The following MVB12B variants were observed in gnomAD, a reference collection of about 807,000 sequenced individuals.
MVB12B encodes ESCRT-I complex subunit MVB12B.
In MVB12B, 16 loss-of-function variants were observed where a neutral mutation model predicts 41.6. That is an observed-to-expected ratio of 0.38 (90% CI 0.26 to 0.58). The LOEUF is 0.58. MVB12B is among the 20% of genes least tolerant of loss of function. MVB12B has a pLI of 0.62. For missense variants in MVB12B, 274 were observed against 380.2 expected (o/e 0.72, Z 2.32); for synonymous variants, 133 against 139.7 (o/e 0.95, Z 0.34).
chr9:126,482,927 A>G (rs1430146580), intron 8 of MVB12B, among the ~76,000 whole-genome samples: 4 of 152,096 alleles, frequency 2.6e-5, no homozygotes, highest in African/African-American at 7.2e-5. Flanking sequence ...GGACGAGGGA[A>G]TGAGGAAGGG....
At chr9:126,344,670 A>G (rs937442172) in intron 2 of MVB12B, among the ~76,000 whole-genome samples, 4 of 152,202 alleles carry the variant, frequency 2.6e-5, no homozygotes, top group African/African-American at 9.7e-5. Flanking sequence ...ATGGTGTCTT[A>G]GTCCTTTTGT....
At position 126,486,565 on chromosome 9, in the gene MVB12B, C is replaced by T. The variant is rs1430456642; in HGVS notation, c.873+2533C>T. 1.3e-5 allele frequency among the ~76,000 whole-genome samples: 2 copies of T among 152,216 alleles called. No homozygotes were observed. Among genetic ancestry groups the T allele is most frequent in the African/African-American group, 2.4e-5 (1 of 41,454 alleles). ...TATAGGTGGGACGTGCTGGCAGCAG[C>T]GGCCTCAGCGTCGAGCCATCTCCCC... On this transcript the variant is annotated intron_variant, in intron 9 of 9. Transcript: ENST00000361171. The surrounding 1 kb of genome is among the most constrained non-coding windows in gnomAD (Gnocchi z 4.7).
chr9:126,405,621 C>T (rs1831397299), intron 6 of MVB12B, among the ~76,000 whole-genome samples: 1 of 151,650 alleles, frequency 6.6e-6, no homozygotes, highest in Admixed American at 6.6e-5. Context: ...CTACCACCCC[C>T]TACCCCCCGC....
rs1306998132 is a variant in MVB12B, at chr9:126,395,264, A to G, written c.540-311A>G. Among the ~76,000 whole-genome samples, 1 of 152,230 alleles carries G rather than the reference A, an allele frequency of 6.6e-6. No homozygotes were observed. The highest frequency in any genetic ancestry group is 1.5e-5 in the Non-Finnish European group (1 of 68,038). ...TGTGGATTATCACGTCACACTCCAC[A>G]AGGAAATGGCAAAACAAAAAGAAGT... On this transcript the variant is annotated intron_variant, in intron 5 of 9. Coordinates refer to ENST00000361171, the MANE Select transcript of MVB12B (RefSeq NM_033446.3). This position sits in a 1 kb window ranked among gnomAD's most constrained non-coding sequence, Gnocchi z 4.9.
rs10819165 is a variant in MVB12B, at chr9:126,476,377, G to T, written c.758-4992G>T. On this transcript the variant is annotated intron_variant, in intron 7 of 9. Transcript: ENST00000361171. ...CTTCACCTCTGGAGGGCAGATGTGA[G>T]GAGGGCCTGCAGACAAACGGGAAGT... 4.6e-5 allele frequency among the ~76,000 whole-genome samples: 7 copies of T among 152,174 alleles called. No homozygotes were observed. The South Asian group carries it at 8.3e-4, about 18-fold the overall frequency.
chr9:126,336,754 G>GCACACACACACACACACA (rs113110128), intron 1 of MVB12B, among the ~76,000 whole-genome samples: 5 of 150,402 alleles, frequency 3.3e-5, no homozygotes, highest in East Asian at 4.0e-4. Context: ...GTGTGTGCAC[G>GCACACACACACACACACA]CACACACACA....
At position 126,378,630 on chromosome 9, in the gene MVB12B, GTCTC is replaced by G. The variant is rs147449615; in HGVS notation, c.205-2414_205-2411del. Among the ~76,000 whole-genome samples, 359 of 147,398 alleles carry G rather than the reference GTCTC, an allele frequency of 2.4e-3. 2 individuals are homozygous for G. The highest frequency in any genetic ancestry group is 6.9e-3 in the African/African-American group (276 of 40,210). ...CTCTCTTTCTCTCTCTCTCTTCTCT[GTCTC>G]TCTCTCTCTCTCTCTCTCTTTCTTT... On this transcript the variant is annotated intron_variant, in intron 2 of 9. Coordinates refer to ENST00000361171, the MANE Select transcript of MVB12B (RefSeq NM_033446.3).
intron 1 of MVB12B, among the ~76,000 whole-genome samples, chr9:126,336,430 C>A (rs926514736): frequency 6.6e-6 from 1 of 152,236 alleles, no homozygotes; most frequent in Middle Eastern, 3.2e-3. Flanking sequence ...TGTAGTAATT[C>A]TTTGATCAGC....
chr9:126,421,239 ATCTG>A (rs1832008374), intron 6 of MVB12B, among the ~76,000 whole-genome samples: 1 of 152,226 alleles, frequency 6.6e-6, no homozygotes, highest in Non-Finnish European at 1.5e-5. Context: ...ACTGTGCTGT[ATCTG>A]TCTGGAAGGT....
chr9:126,369,197 T>C (rs1403897444), intron 2 of MVB12B, among the ~76,000 whole-genome samples: 1 of 152,246 alleles, frequency 6.6e-6, no homozygotes, highest in Non-Finnish European at 1.5e-5. Flanking sequence ...AGGTATTTGT[T>C]GTTTGTCAGA....
chr9:126,378,075 A>G (rs2118951351), intron 2 of MVB12B, among the ~76,000 whole-genome samples: 1 of 152,306 alleles, frequency 6.6e-6, no homozygotes, highest in South Asian at 2.1e-4. Context: ...TCTGCCTCTG[A>G]ACTCCATGTT....
At chr9:126,497,701 CCTCCTAGTGAAGCACTTT>C (rs1411111020) in intron 9 of MVB12B, among the ~76,000 whole-genome samples, 3 of 152,234 alleles carry the variant, frequency 2.0e-5, no homozygotes, top group Non-Finnish European at 4.4e-5. Context: ...GAACAGCCTT[CCTCCTAGTGAAGCACTTT>C]CTCACGCTTT....
In MVB12B at chr9:126,392,123, C is replaced by T. The variant is rs762556242; in HGVS notation, c.467C>T (p.Thr156Met). 22 of 1,614,050 alleles carry T rather than the reference C, an allele frequency of 1.4e-5. No homozygotes were observed. The highest frequency in any genetic ancestry group is 1.7e-5 in the Admixed American group (1 of 60,016). ...ATTAAATTTATTCCACGGGATTCAACGGAAGCTGCGATTTGTGACATTCGG... is the reference window on the plus strand; with the variant it reads ...ATTAAATTTATTCCACGGGATTCAATGGAAGCTGCGATTTGTGACATTCGG... ...LCIKFIPRDS[T>M]EAAICDIRIM... The change falls in exon 5 of 10, where the codon ACG becomes ATG. Residue 156 changes from threonine to methionine, a missense_variant. Thr to Met is a moderately conservative substitution (Grantham distance 81, BLOSUM62 -1). Transcript: ENST00000361171. This position sits in a 1 kb window ranked among gnomAD's most constrained non-coding sequence, Gnocchi z 4.8.
At chr9:126,350,176 C>A (rs1829709653) in intron 2 of MVB12B, among the ~76,000 whole-genome samples, 1 of 152,090 alleles carries the variant, frequency 6.6e-6, no homozygotes. Flanking sequence ...CTCATTTTCT[C>A]ATTGGATTGT....
At chr9:126,393,662 C>T (rs1030697846) in intron 5 of MVB12B, among the ~76,000 whole-genome samples, 1 of 152,230 alleles carries the variant, frequency 6.6e-6, no homozygotes, top group Non-Finnish European at 1.5e-5. Flanking sequence ...TGAGTGGATG[C>T]CAGCTGTCCA....
intron 7 of MVB12B, among the ~76,000 whole-genome samples, chr9:126,467,453 A>C (rs1265229093): frequency 6.6e-6 from 1 of 152,166 alleles, no homozygotes; most frequent in Non-Finnish European, 1.5e-5. Context: ...CTGTAAACTT[A>C]CTGCTTTTAC....
intron 2 of MVB12B, among the ~76,000 whole-genome samples, chr9:126,361,423 T>C (rs1003046444): frequency 3.9e-5 from 6 of 152,238 alleles, no homozygotes; most frequent in Non-Finnish European, 8.8e-5. Flanking sequence ...TACATTGTTA[T>C]CATTTTTGCT....
chr9:126,453,872 A>G (rs958621753), intron 7 of MVB12B, among the ~76,000 whole-genome samples: 1 of 152,188 alleles, frequency 6.6e-6, no homozygotes, highest in African/African-American at 2.4e-5. Context: ...ATCATCAAGG[A>G]TACCATCCAG....
At chr9:126,428,082 G>A (rs929534140) in intron 7 of MVB12B, among the ~76,000 whole-genome samples, 2 of 152,058 alleles carry the variant, frequency 1.3e-5, no homozygotes, top group African/African-American at 4.8e-5. Context: ...TGTCGGTGTG[G>A]TCAAGTCAGT....
Sources: gnomAD v4.1 joint callset for allele counts (sites outside exome capture counted in the v4.1 genomes callset) on GRCh38, gnomAD v4.1.1 for gene constraint, Gnocchi (gnomAD v3.1) non-coding constraint, MANE v1.5 for transcripts, NCBI Gene and HGNC (gene_info 2026-07-23, HGNC 2026-07-21) for gene names.